The following POLR3A variants were observed in gnomAD, a reference collection of about 807,000 sequenced individuals.
The protein encoded by POLR3A is DNA-directed RNA polymerase III subunit RPC1.
POLR3A carries 112 observed loss-of-function variants against 152.8 expected under a neutral mutation model. The observed-to-expected ratio is 0.73, with a 90% CI of 0.63 to 0.86. POLR3A has a LOEUF of 0.86. POLR3A is among the 40% of genes least tolerant of loss of function. The probability of loss-of-function intolerance (pLI) is 0.00; values close to 1 mark genes in which losing one functional copy is unlikely to be tolerated. For missense variants in POLR3A, 1,385 were observed against 1,743.1 expected (o/e 0.79, Z 3.66); for synonymous variants, 615 against 652.1 (o/e 0.94, Z 0.87).
rs920584052 is a variant in POLR3A at position 77,976,920 on chromosome 10, A to G, written c.*558T>C. 2 of 155,372 alleles carry G rather than the reference A, an allele frequency of 1.3e-5. No individual in the cohort carries two copies. Among genetic ancestry groups the G allele is most frequent in the East Asian group, 1.9e-4 (1 of 5,270 alleles). The allele number at this position is 155,372 out of a possible 1,614,324, so 9.6% of individuals were successfully genotyped here. On this transcript the variant is annotated 3_prime_UTR_variant, in exon 31 of 31. Coordinates refer to ENST00000372371, the MANE Select transcript of POLR3A (RefSeq NM_007055.4). ...TTACATGCTGACTTTCTTGGTTTCTATAGATGCTTGGTTTCAAAAATAAAA... is the reference window on the plus strand; with the variant it reads ...TTACATGCTGACTTTCTTGGTTTCTGTAGATGCTTGGTTTCAAAAATAAAA...
intron 15 of POLR3A, among the ~76,000 whole-genome samples, chr10:78,006,982 T>C: frequency 6.6e-6 from 1 of 152,030 alleles, no homozygotes. Context: ...TGGTGGCACA[T>C]GCCTGTAGTC....
At chr10:78,024,086 G>A (rs917044071) in intron 5 of POLR3A, among the ~76,000 whole-genome samples, 2 of 152,108 alleles carry the variant, frequency 1.3e-5, no homozygotes, top group Non-Finnish European at 1.5e-5. Context: ...AGAGCTGGCC[G>A]GGTGTGGTGG....
At chr10:77,990,903 C>G (rs976919361) in intron 21 of POLR3A, 151 bp downstream of exon 21, 1 of 647,394 alleles carries the variant, frequency 1.5e-6, no homozygotes, top group Non-Finnish European at 2.8e-6. Context: ...CATGAGCCAC[C>G]ATGCCTGGCC....
At chr10:77,994,308 C>T (rs1012894338) in intron 19 of POLR3A, among the ~76,000 whole-genome samples, 6 of 152,256 alleles carry the variant, frequency 3.9e-5, no homozygotes, top group Admixed American at 3.3e-4. Context: ...TGTCCACTGT[C>T]ACACTAATCA....
rs536831399 is a variant in POLR3A at position 78,029,353 on chromosome 10, C to T, written c.44+11G>A. 4 of 1,614,128 alleles carry T rather than the reference C, an allele frequency of 2.5e-6. No individual in the cohort carries two copies. In the Admixed American group the frequency reaches 5.0e-5, roughly 20 times the overall value. On this transcript the variant is annotated intron_variant, in intron 1 of 30. Transcript: ENST00000372371. ...TTTCTCAGCCCTTTGGCCACTCTTA[C>T]TCCGTCTTACATTTTCTTGGCCACA...
chr10:78,018,170 CAAA>C (rs112691299), intron 9 of POLR3A, among the ~76,000 whole-genome samples: 8 of 69,512 alleles, frequency 1.2e-4, no homozygotes, highest in Admixed American at 4.6e-4. Context: ...ACTGAGACAT[CAAA>C]AAAAAAAAAA....
rs139142747 is a variant in POLR3A, at chr10:78,028,326, A to T, written c.44+1038T>A. On this transcript the variant is annotated intron_variant, in intron 1 of 30. Coordinates refer to ENST00000372371, the MANE Select transcript of POLR3A (RefSeq NM_007055.4). ...GTTTGGTCTGCTTTCTTTTGCCTGG[A>T]CCCATTATGTGCTCTCAAAACCCCC... is the stretch of plus-strand genomic sequence containing the variant. Among the ~76,000 whole-genome samples, 7 of 152,012 alleles carry T rather than the reference A, an allele frequency of 4.6e-5. No individual in the cohort carries two copies. The East Asian group carries it at 1.2e-3, about 25-fold the overall frequency.
At position 78,010,502 on chromosome 10, in the gene POLR3A, C is replaced by T. The variant is rs757260872; in HGVS notation, c.1611G>A (p.Pro537=). The T allele has an allele frequency of 2.7e-5, 44 of 1,613,848 alleles. No individual in the cohort carries two copies. The highest frequency in any genetic ancestry group is 3.5e-5 in the Non-Finnish European group (41 of 1,179,858). ...GAAAATCCTGAATAGCAGCAATCAG[C>T]GGTTCCCCATTCCTCGGGGTTACAA... is the stretch of plus-strand genomic sequence containing the variant. ...ANLVTPRNGE[P]LIAAIQDFLT... The change falls in exon 12 of 31, where the codon CCG becomes CCA. Residue 537 remains proline (P), a synonymous_variant. Coordinates refer to ENST00000372371, the MANE Select transcript of POLR3A (RefSeq NM_007055.4).
At position 78,022,459 on chromosome 10, in the gene POLR3A, T is replaced by C. The variant is rs886914328; in HGVS notation, c.646-75A>G. 8.8e-6 allele frequency: 13 copies of C among 1,475,492 alleles called. No individual in the cohort carries two copies. In the African/African-American group the frequency reaches 1.4e-4, roughly 16 times the overall value. The allele number at this position is 1,475,492 out of a possible 1,614,324, so 91.4% of individuals were successfully genotyped here. A position where few individuals can be genotyped will look rare whatever the true frequency, so the allele number is the denominator to read the frequency against. Reference sequence around the variant, plus strand: ...TAGCTTGGGCAAGGTTTTCCTTCACTATGTTTTCTAACCTATCTGTCACTA... The same window carrying C: ...TAGCTTGGGCAAGGTTTTCCTTCACCATGTTTTCTAACCTATCTGTCACTA... On this transcript the variant is annotated intron_variant, in intron 5 of 30. Transcript: ENST00000372371.
chr10:77,982,233 AC>A lies in POLR3A; in HGVS notation c.3679del (p.Val1227TrpfsTer15). The A allele has an allele frequency of 6.2e-7, 1 of 1,613,848 alleles. No homozygotes were observed. The highest frequency in any genetic ancestry group is 8.5e-7 in the Non-Finnish European group (1 of 1,179,956). On this transcript the variant is annotated frameshift_variant, in exon 28 of 31. Coordinates refer to ENST00000372371, the MANE Select transcript of POLR3A (RefSeq NM_007055.4). LOFTEE classifies it high-confidence loss of function. ...QSGKEKYKLLVEGDNLRAVMA... is the reference protein window; with the variant it reads ...QSGKEKYKLLXEGDNLRAVMA... Reference sequence around the variant, plus strand: ...GACTGCCCGCAGGTTATCACCTTCCACCAGAAGCTTGTACTTCTCCTTTCCA... The same window carrying A: ...GACTGCCCGCAGGTTATCACCTTCCACAGAAGCTTGTACTTCTCCTTTCCA...
chr10:78,005,135 C>A (rs139694468), intron 15 of POLR3A, among the ~76,000 whole-genome samples: 2 of 152,298 alleles, frequency 1.3e-5, no homozygotes, highest in East Asian at 3.9e-4. Context: ...AGAGACCTTA[C>A]GATCTGGTGG....
intron 8 of POLR3A, chr10:78,020,197 G>A (rs1051894752): frequency 2.1e-5 from 3 of 144,482 alleles, no homozygotes; most frequent in African/African-American, 7.9e-5. Flanking sequence ...AAAAAAAAGT[G>A]CTAGCTGGGC....
chr10:78,024,710 G>C lies in POLR3A; in HGVS notation c.491-7C>G, dbSNP rs776553263. On this transcript the variant is annotated splice_polypyrimidine_tract_variant and splice_region_variant and intron_variant, in intron 4 of 30. Transcript: ENST00000372371. ...CCACACTTCTTTACGGTACCTATAA[G>C]GGTTAGTTTATTTACCAAGAAATAA... The C allele has an allele frequency of 6.2e-7, 1 of 1,610,388 alleles. No homozygotes were observed. Among genetic ancestry groups the C allele is most frequent in the Non-Finnish European group, 8.5e-7 (1 of 1,176,828 alleles).
chr10:78,003,400 G>T (rs1404756471), intron 16 of POLR3A, among the ~76,000 whole-genome samples: 1 of 152,204 alleles, frequency 6.6e-6, no homozygotes, highest in South Asian at 2.1e-4. Context: ...TCAGTGCCAC[G>T]GGTTTATCGG....
intron 28 of POLR3A, 87 bp downstream of exon 28, chr10:77,982,064 AAAG>A (rs1489490093): frequency 1.0e-5 from 8 of 799,356 alleles, no homozygotes; most frequent in Admixed American, 5.5e-5. Context: ...AAAAAAAAAA[AAAG>A]AAGTATACTG....
chr10:77,990,111 C>T (rs962032564), intron 21 of POLR3A, among the ~76,000 whole-genome samples: 22 of 152,004 alleles, frequency 1.4e-4, no homozygotes. Context: ...ATTTAGTACA[C>T]AAAGGAAACC....
At chr10:77,982,069 A>AAAAAAAAAG in intron 28 of POLR3A, 85 bp downstream of exon 28, 1 of 727,730 alleles carries the variant, frequency 1.4e-6, no homozygotes, top group Non-Finnish European at 2.3e-6. Context: ...AAAAAAAAGA[A>AAAAAAAAAG]GTATACTGGG....
chr10:78,011,469 G>A (rs1333862067), intron 11 of POLR3A, among the ~76,000 whole-genome samples: 2 of 152,120 alleles, frequency 1.3e-5, no homozygotes, highest in Non-Finnish European at 1.5e-5. Context: ...GTATTTGTGG[G>A]TTTTCTGGGC....
chr10:77,986,999 T>G (rs1016506603), intron 21 of POLR3A, among the ~76,000 whole-genome samples: 1 of 152,154 alleles, frequency 6.6e-6, no homozygotes, highest in Non-Finnish European at 1.5e-5. Context: ...GGATTTACAG[T>G]GTGTCTGTGA....
Sources: gnomAD v4.1 joint callset for allele counts (sites outside exome capture counted in the v4.1 genomes callset) on GRCh38, gnomAD v4.1.1 for gene constraint, MANE v1.5 for transcripts, NCBI Gene and HGNC (gene_info 2026-07-23, HGNC 2026-07-21) for gene names.